Variants in WDR33 observed in about 807,000 individuals in gnomAD.
WDR33 encodes the protein pre-mRNA 3' end processing protein WDR33.
WDR33 carries 47 observed loss-of-function variants against 164.9 expected under a neutral mutation model. The observed-to-expected ratio is 0.29, with a 90% CI of 0.23 to 0.36. The LOEUF (loss-of-function observed/expected upper bound fraction) is 0.36. WDR33 is among the 10% of genes least tolerant of loss of function. The pLI is 1.00. For synonymous variants in WDR33, 505 were observed against 589.0 expected (o/e 0.86, Z 2.06); for missense variants, 1,137 against 1,754.1 (o/e 0.65, Z 6.28).
Position 127,719,913 on chromosome 2 carries a change from A to T in WDR33, c.2112T>A (p.His704Gln). The change falls in exon 16 of 22, where the codon CAT becomes CAA. Residue 704 changes from histidine to glutamine, a missense_variant. This residue lies in a region of WDR33 where 867 missense variants were observed against 1,073.0 expected (regional missense o/e 0.81). Transcript: ENST00000322313. This position sits in a 1 kb window ranked among gnomAD's most constrained non-coding sequence, Gnocchi z 6.5. The stretch of plus-strand genomic sequence containing the variant: ...GGCCAGGTGGACCCTGAGGACCCAT[A>T]TGACCTTGAGGACCAGAACTACCTT... Reference protein sequence around the residue: ...GPQGSSGPQGHMGPQGPPGPQ... With the variant: ...GPQGSSGPQGQMGPQGPPGPQ... 1 of 1,613,976 alleles carries T rather than the reference A, an allele frequency of 6.2e-7. No homozygotes were observed. The highest frequency in any genetic ancestry group is 8.5e-7 in the Non-Finnish European group (1 of 1,179,984).
intron 1 of WDR33, among the ~76,000 whole-genome samples, chr2:127,809,085 T>C (rs1689545454): frequency 6.6e-6 from 1 of 151,742 alleles, no homozygotes; most frequent in Non-Finnish European, 1.5e-5. Flanking sequence ...AAGTGAAAAT[T>C]TTTCACTAAT....
At position 127,704,695 on chromosome 2, in the gene WDR33, A is replaced by G. The variant is rs1685970850; in HGVS notation, c.*1628T>C. The G allele has an allele frequency of 1.2e-5, 2 of 167,146 alleles. No individual in the cohort carries two copies. The highest frequency in any genetic ancestry group is 2.4e-5 in the African/African-American group (1 of 41,470). 10.4% of individuals were successfully genotyped at this position (167,146 alleles called of 1,614,324 possible). A position where few individuals can be genotyped will look rare whatever the true frequency, so the allele number is the denominator to read the frequency against. ...ACATTTTCTCACTCCACAGAAATCA[A>G]TTAGCTTTTGCTGTTTTTTACATTC... On this transcript the variant is annotated 3_prime_UTR_variant, in exon 22 of 22. Transcript: ENST00000322313.
chr2:127,724,450 C>A lies in WDR33; in HGVS notation c.1086-7G>T, dbSNP rs1396063208. ...ACCCACTTCCTTCTCTACCCTGCAA[C>A]AGCACCAAAGAGAGAAGATTTGTTC... On this transcript the variant is annotated splice_polypyrimidine_tract_variant and splice_region_variant and intron_variant, in intron 10 of 21. Transcript: ENST00000322313. The surrounding 1 kb of genome is among the most constrained non-coding windows in gnomAD (Gnocchi z 4.8). 6.2e-7 allele frequency: 1 copy of A among 1,611,904 alleles called. No homozygotes were observed. The highest frequency in any genetic ancestry group is 1.3e-5 in the African/African-American group (1 of 74,994).
chr2:127,801,413 G>A (rs1689236122), intron 1 of WDR33, among the ~76,000 whole-genome samples: 1 of 151,976 alleles, frequency 6.6e-6, no homozygotes, highest in South Asian at 2.1e-4. Flanking sequence ...TGTAATCCTA[G>A]CACTTTGGGA....
intron 8 of WDR33, among the ~76,000 whole-genome samples, 193 bp from the exon 9 acceptor site, chr2:127,725,408 T>C (rs1686541216): frequency 1.3e-5 from 2 of 152,172 alleles, no homozygotes; most frequent in East Asian, 1.9e-4. Context: ...TAATATGCAC[T>C]GCCCAGACAA....
Position 127,770,292 on chromosome 2 carries a change from G to C in WDR33, c.204+486C>G, listed in dbSNP as rs1285500525. On this transcript the variant is annotated intron_variant, in intron 2 of 21. Coordinates refer to ENST00000322313, the MANE Select transcript of WDR33 (RefSeq NM_018383.5). The surrounding 1 kb of genome is among the most constrained non-coding windows in gnomAD (Gnocchi z 4.9). ...GAATTTTATAAAGTATTAGTGGTTT[G>C]AGGTTCTTCCTAAATTAGCCAATTT... Among the ~76,000 whole-genome samples, 5 of 152,314 alleles carry C rather than the reference G, an allele frequency of 3.3e-5. No individual in the cohort carries two copies. The East Asian group carries it at 9.6e-4, about 29-fold the overall frequency.
rs552193516 is a variant in WDR33 at position 127,702,048 on chromosome 2, G to A, written c.*4275C>T. On this transcript the variant is annotated 3_prime_UTR_variant, in exon 22 of 22. Coordinates refer to ENST00000322313, the MANE Select transcript of WDR33 (RefSeq NM_018383.5). ...CACGCTGCTCACGGTGCTGGGCGCG[G>A]GCGCGCAGGTGGCCGCGCTGCTGGC... The A allele has an allele frequency of 6.5e-6, 8 of 1,230,240 alleles. No homozygotes were observed. The African/African-American group carries it at 1.1e-4, about 17-fold the overall frequency. The allele number at this position is 1,230,240 out of a possible 1,614,324, so 76.2% of individuals were successfully genotyped here.
At chr2:127,768,720 T>C (rs1242012266) in intron 3 of WDR33, among the ~76,000 whole-genome samples, 2 of 152,154 alleles carry the variant, frequency 1.3e-5, no homozygotes, top group African/African-American at 4.8e-5. Flanking sequence ...AAATCAAAAA[T>C]TCACCCATCA....
chr2:127,808,189 T>G (rs1362170614), intron 1 of WDR33, among the ~76,000 whole-genome samples: 1 of 145,878 alleles, frequency 6.9e-6, no homozygotes, highest in Non-Finnish European at 1.5e-5. Flanking sequence ...AGAAAAAAAA[T>G]GTTAACATTT....
At position 127,719,875 on chromosome 2, in the gene WDR33, A is replaced by C. The variant is rs746070660; in HGVS notation, c.2150T>G (p.Ile717Arg). 1.4e-5 allele frequency: 23 copies of C among 1,613,392 alleles called. No homozygotes were observed. The highest frequency in any genetic ancestry group is 1.9e-5 in the Non-Finnish European group (23 of 1,179,860). Residue 717 changes from isoleucine to arginine, a missense_variant, in exon 16 of 22, where the codon ATA (isoleucine) becomes AGA (arginine). Ile to Arg is a moderately conservative substitution (Grantham distance 97). This residue lies in a region of WDR33 where 867 missense variants were observed against 1,073.0 expected (regional missense o/e 0.81). Transcript: ENST00000322313. The surrounding 1 kb of genome is among the most constrained non-coding windows in gnomAD (Gnocchi z 6.5). ...PQGPPGPQGH[I>R]GPQGPPGPQG... ...AGGGCCAGGCGGGCCTTGGGGGCCT[A>C]TGTGACCCTGTGGGCCAGGTGGACC...
chr2:127,721,820 A>G lies in WDR33; in HGVS notation c.1671+16T>C, dbSNP rs754040443. 1.0e-5 allele frequency: 16 copies of G among 1,603,332 alleles called. No individual in the cohort carries two copies. The South Asian group carries it at 1.8e-4, about 18-fold the overall frequency. ...CTTAGATCATCTTGAATTCCCCCCT[A>G]CAGAGCTTCACACACCTCCAGAAGT... is the stretch of plus-strand genomic sequence containing the variant. On this transcript the variant is annotated intron_variant, in intron 15 of 21. Transcript: ENST00000322313. This position sits in a 1 kb window ranked among gnomAD's most constrained non-coding sequence, Gnocchi z 4.9.
rs1686828111 is a variant in WDR33, at chr2:127,735,951, G to C, written c.725-9174C>G. 1 of 985,312 alleles carries C rather than the reference G, an allele frequency of 1.0e-6. No individual in the cohort carries two copies. Among genetic ancestry groups the C allele is most frequent in the Admixed American group, 6.1e-5 (1 of 16,262 alleles). 61.0% of individuals were successfully genotyped at this position (985,312 alleles called of 1,614,324 possible). A position where few individuals can be genotyped will look rare whatever the true frequency, so the allele number is the denominator to read the frequency against. ...AGAATTAAATGGAAAGTTAATTCTG[G>C]AAAGGGGGTATGCCTAGGCAGGGCA... On this transcript the variant is annotated intron_variant, in intron 7 of 21. Coordinates refer to ENST00000322313, the MANE Select transcript of WDR33 (RefSeq NM_018383.5). This position sits in a 1 kb window ranked among gnomAD's most constrained non-coding sequence, Gnocchi z 4.3.
intron 7 of WDR33, among the ~76,000 whole-genome samples, chr2:127,759,882 T>C (rs1687626633): frequency 6.6e-6 from 1 of 151,948 alleles, no homozygotes; most frequent in Non-Finnish European, 1.5e-5. Flanking sequence ...CTCTATTTTT[T>C]TAAAAAAAAT....
At chr2:127,769,289 A>G (rs1242393620) in intron 2 of WDR33, among the ~76,000 whole-genome samples, 2 of 152,114 alleles carry the variant, frequency 1.3e-5, no homozygotes, top group Non-Finnish European at 2.9e-5. Flanking sequence ...GGAGTTTAAG[A>G]CCAGCCTGGC....
chr2:127,791,813 T>G lies in WDR33; in HGVS notation c.-24+19199A>C, dbSNP rs13425952. Among the ~76,000 whole-genome samples, 1,067 of 152,340 alleles carry G rather than the reference T, an allele frequency of 7.0e-3. 10 individuals are homozygous for G. Among genetic ancestry groups the G allele is most frequent in the African/African-American group, 0.024 (1,015 of 41,580 alleles). On this transcript the variant is annotated intron_variant, in intron 1 of 21. Coordinates refer to ENST00000322313, the MANE Select transcript of WDR33 (RefSeq NM_018383.5). Reference sequence around the variant, plus strand: ...TTCAACTACCAGCATGAGGTAAAAGTAACATACCTACTACAGTTTGGTAGC... The same window carrying G: ...TTCAACTACCAGCATGAGGTAAAAGGAACATACCTACTACAGTTTGGTAGC...
chr2:127,745,140 C>T (rs147335516), intron 7 of WDR33, among the ~76,000 whole-genome samples: 2 of 152,274 alleles, frequency 1.3e-5, no homozygotes, highest in African/African-American at 2.4e-5. Flanking sequence ...TTCTTTAAAA[C>T]GCATACTGAG....
chr2:127,721,426 T>C lies in WDR33; in HGVS notation c.1671+410A>G, dbSNP rs1272737695. The stretch of plus-strand genomic sequence containing the variant: ...CCTGACCCTAATTGGGTTTTAAAAG[T>C]CCAAGATATGACTCAAGGAAGTCAC... On this transcript the variant is annotated intron_variant, in intron 15 of 21. Transcript: ENST00000322313. The surrounding 1 kb of genome is among the most constrained non-coding windows in gnomAD (Gnocchi z 4.9). Among the ~76,000 whole-genome samples the C allele has an allele frequency of 2.0e-5, 3 of 152,000 alleles. No individual in the cohort carries two copies. The highest frequency in any genetic ancestry group is 6.6e-5 in the Admixed American group (1 of 15,258).
chr2:127,723,970 A>G lies in WDR33; in HGVS notation c.1196+363T>C, dbSNP rs910215032. ...TGTGCTCCTATAGTCTCAGCTACTCAGGAGGCTGAGGTAGGAGGATCACCT... is the reference window on the plus strand; with the variant it reads ...TGTGCTCCTATAGTCTCAGCTACTCGGGAGGCTGAGGTAGGAGGATCACCT... On this transcript the variant is annotated intron_variant, in intron 11 of 21. Coordinates refer to ENST00000322313, the MANE Select transcript of WDR33 (RefSeq NM_018383.5). This position sits in a 1 kb window ranked among gnomAD's most constrained non-coding sequence, Gnocchi z 5.9. 2.4e-4 allele frequency among the ~76,000 whole-genome samples: 36 copies of G among 152,056 alleles called. No individual in the cohort carries two copies. The highest frequency in any genetic ancestry group is 7.5e-4 in the African/African-American group (31 of 41,414).
In WDR33 at chr2:127,729,599, G is replaced by A. The variant is rs185058029; in HGVS notation, c.725-2822C>T. Among the ~76,000 whole-genome samples the A allele has an allele frequency of 6.6e-5, 10 of 152,014 alleles. No homozygotes were observed. In the South Asian group the frequency reaches 1.9e-3, roughly 28 times the overall value. On this transcript the variant is annotated intron_variant, in intron 7 of 21. Transcript: ENST00000322313. The stretch of plus-strand genomic sequence containing the variant: ...CAACCTCCGCCTCCCGGGTTCAAGC[G>A]ATTCTCCTGCCTCAGCCTCCCAAGT...
Sources: gnomAD v4.1 joint callset for allele counts (sites outside exome capture counted in the v4.1 genomes callset) on GRCh38, gnomAD v4.1.1 for gene constraint, gnomAD v4.1.1 regional missense constraint, Gnocchi (gnomAD v3.1) non-coding constraint, MANE v1.5 for transcripts, NCBI Gene and HGNC (gene_info 2026-07-23, HGNC 2026-07-21) for gene names.